CDK14: variants seen among roughly 807,000 people sequenced by gnomAD.
CDK14 encodes cyclin dependent kinase 14.
Under a neutral mutation model 60.7 loss-of-function variants are expected in CDK14, and 34 were observed. The observed-to-expected ratio is 0.56, with a 90% CI of 0.43 to 0.75. The LOEUF is 0.75. Ranked by LOEUF, CDK14 falls within the 30% of genes least tolerant of loss-of-function variation. The pLI is 0.00. For synonymous variants in CDK14, 197 were observed against 203.7 expected (o/e 0.97, Z 0.28); for missense variants, 482 against 564.1 (o/e 0.85, Z 1.47).
intron 9 of CDK14, 43 bp downstream of exon 9, chr7:90,955,860 C>T (rs1794394765): frequency 6.2e-7 from 1 of 1,606,936 alleles, no homozygotes; most frequent in Middle Eastern, 1.7e-4. Flanking sequence ...ATCTGTAGTG[C>T]TTGGTCTGGG....
rs192086421 is a variant in CDK14, at chr7:90,909,218, C to T, written c.703-8383C>T. Among the ~76,000 whole-genome samples, 166 of 152,214 alleles carry T rather than the reference C, an allele frequency of 1.1e-3. 1 individual carries two copies. Among genetic ancestry groups the T allele is most frequent in the African/African-American group, 3.9e-3 (163 of 41,536 alleles). Reference sequence around the variant, plus strand: ...AAAGCACTTATCAGTCAGGTCAGCCCTATAATTCTGGCAGACAGAAACTTG... The same window carrying T: ...AAAGCACTTATCAGTCAGGTCAGCCTTATAATTCTGGCAGACAGAAACTTG... On this transcript the variant is annotated intron_variant, in intron 7 of 14. Coordinates refer to ENST00000380050, the MANE Select transcript of CDK14 (RefSeq NM_001287135.2).
At chr7:90,732,950 C>A (rs1489649487) in intron 3 of CDK14, among the ~76,000 whole-genome samples, 1 of 152,122 alleles carries the variant, frequency 6.6e-6, no homozygotes, top group East Asian at 1.9e-4. Flanking sequence ...AATTTTAGAT[C>A]TTTCCTGCTT....
Position 91,118,135 on chromosome 7 carries a change from G to A in CDK14, c.1365G>A (p.Gly455=). 1 of 1,613,566 alleles carries A rather than the reference G, an allele frequency of 6.2e-7. No homozygotes were observed. Among genetic ancestry groups the A allele is most frequent in the East Asian group, 2.2e-5 (1 of 44,836 alleles). Residue 455 remains glycine (G), a synonymous_variant, in exon 14 of 15, where the codon GGG becomes GGA. Coordinates refer to ENST00000380050, the MANE Select transcript of CDK14 (RefSeq NM_001287135.2). Reference sequence around the variant, plus strand: ...CTGGAGAAAGCATGCGGGCCTTTGGGAAAAACAATAGTTATGGCAAAAGTC... The same window carrying A: ...CTGGAGAAAGCATGCGGGCCTTTGGAAAAAACAATAGTTATGGCAAAAGTC... The part of the protein sequence containing the change: ...PEAGESMRAF[G]KNNSYGKSLS...
intron 3 of CDK14, among the ~76,000 whole-genome samples, chr7:90,736,304 G>A (rs938046865): frequency 4.2e-5 from 5 of 118,976 alleles, no homozygotes; most frequent in African/African-American, 1.6e-4. Flanking sequence ...CTGCCTTTTT[G>A]TTCTCTCCCC....
At chr7:91,180,061 A>G (rs1363525426) in intron 14 of CDK14, among the ~76,000 whole-genome samples, 1 of 152,210 alleles carries the variant, frequency 6.6e-6, no homozygotes, top group Non-Finnish European at 1.5e-5. Context: ...AAATTCTATA[A>G]GGGAAGTGCA....
intron 5 of CDK14, among the ~76,000 whole-genome samples, chr7:90,807,390 C>CTGAGGGTA (rs1483525763): frequency 1.3e-5 from 2 of 152,200 alleles, no homozygotes; most frequent in African/African-American, 4.8e-5. Flanking sequence ...CTCCAACAGA[C>CTGAGGGTA]CTGCAGCTGA....
chr7:90,707,333 T>TG (rs1231182333), intron 2 of CDK14, among the ~76,000 whole-genome samples: 4 of 152,250 alleles, frequency 2.6e-5, no homozygotes, highest in African/African-American at 9.6e-5. Flanking sequence ...ACTCAGCAGG[T>TG]AACCCATGGT....
At chr7:91,172,289 T>C (rs553204213) in intron 14 of CDK14, among the ~76,000 whole-genome samples, 58 of 152,186 alleles carry the variant, frequency 3.8e-4, no homozygotes, top group Non-Finnish European at 7.4e-4. Context: ...CTTCCATGAC[T>C]TGCCGCATCT....
chr7:91,005,417 A>G (rs1308673839), intron 10 of CDK14, among the ~76,000 whole-genome samples: 2 of 152,256 alleles, frequency 1.3e-5, no homozygotes. Context: ...TATCACAAGG[A>G]GGCAATGGAA....
At chr7:90,645,175 A>G (rs953027459) in intron 2 of CDK14, among the ~76,000 whole-genome samples, 3 of 152,116 alleles carry the variant, frequency 2.0e-5, no homozygotes, top group African/African-American at 7.2e-5. Context: ...ATGTATATAT[A>G]TTTTACACAT....
intron 2 of CDK14, among the ~76,000 whole-genome samples, chr7:90,705,957 T>C (rs1356544698): frequency 3.3e-5 from 5 of 152,050 alleles, no homozygotes; most frequent in African/African-American, 1.2e-4. Flanking sequence ...GTCAGGGAAG[T>C]GCATACTACT....
chr7:90,740,268 TATAGAGAG>T (rs1490171282), intron 3 of CDK14, among the ~76,000 whole-genome samples: 3 of 143,036 alleles, frequency 2.1e-5, no homozygotes, highest in South Asian at 2.2e-4. Flanking sequence ...TATATATATA[TATAGAGAG>T]AGAGAGAGAG....
At chr7:91,059,707 G>T (rs1451825378) in intron 11 of CDK14, among the ~76,000 whole-genome samples, 1 of 152,174 alleles carries the variant, frequency 6.6e-6, no homozygotes, top group Non-Finnish European at 1.5e-5. Context: ...CCATGTAGTT[G>T]AGCGGTTTTG....
chr7:90,739,446 TCA>T (rs1803259873), intron 3 of CDK14, among the ~76,000 whole-genome samples: 2 of 152,304 alleles, frequency 1.3e-5, no homozygotes, highest in African/African-American at 4.8e-5. Flanking sequence ...TTTCCTCAGT[TCA>T]GTTTTTTCAA....
At chr7:91,192,953 G>A (rs1201463758) in intron 14 of CDK14, among the ~76,000 whole-genome samples, 1 of 152,100 alleles carries the variant, frequency 6.6e-6, no homozygotes, top group Non-Finnish European at 1.5e-5. Context: ...CTCTCTTGAA[G>A]GAAATATGAT....
chr7:90,657,734 T>G (rs1800779813), intron 2 of CDK14, among the ~76,000 whole-genome samples: 1 of 152,208 alleles, frequency 6.6e-6, no homozygotes. Flanking sequence ...AAACTTTATC[T>G]TAATGACCTG....
intron 9 of CDK14, among the ~76,000 whole-genome samples, chr7:90,971,256 A>C (rs1001281364): frequency 3.3e-5 from 5 of 151,924 alleles, no homozygotes; most frequent in African/African-American, 1.2e-4. Context: ...AGATGTATTC[A>C]TGCCTTCAAG....
rs1563018827 is a variant in CDK14 at position 90,621,687 on chromosome 7, G to GCCTTCCTGCCTTCCTT, written c.123+17445_123+17446insGCCTTCCTTCCTTCCT. ...TTCCTTCCTGCCTTCCTGCCTTCCT[G>GCCTTCCTGCCTTCCTT]CCTTCCTTCCTTCCTTCCTTTGCCA... On this transcript the variant is annotated intron_variant, in intron 2 of 14. Coordinates refer to ENST00000380050, the MANE Select transcript of CDK14 (RefSeq NM_001287135.2). 4.4e-4 allele frequency among the ~76,000 whole-genome samples: 58 copies of GCCTTCCTGCCTTCCTT among 132,452 alleles called. No homozygotes were observed. The Middle Eastern group carries it at 0.011, about 26-fold the overall frequency. 86.9% of individuals were successfully genotyped at this position (132,452 alleles called of 152,430 possible).
At chr7:90,666,785 T>C (rs537977549) in intron 2 of CDK14, among the ~76,000 whole-genome samples, 1 of 152,316 alleles carries the variant, frequency 6.6e-6, no homozygotes, top group Non-Finnish European at 1.5e-5. Flanking sequence ...TATTTCAATA[T>C]TTACTTCATT....
Sources: gnomAD v4.1 joint callset for allele counts (sites outside exome capture counted in the v4.1 genomes callset) on GRCh38, gnomAD v4.1.1 for gene constraint, MANE v1.5 for transcripts, NCBI Gene and HGNC (gene_info 2026-07-23, HGNC 2026-07-21) for gene names.